WDPCP: variants seen among roughly 807,000 people sequenced by gnomAD.
WDPCP encodes WD repeat-containing and planar cell polarity effector protein fritz homolog.
A neutral mutation model predicts 93.1 loss-of-function variants in WDPCP; 71 were observed. The ratio of observed to expected loss-of-function variants is 0.76; its 90% CI spans 0.63 to 0.93. The LOEUF is 0.93. WDPCP is among the 40% of genes least tolerant of loss of function. The pLI, the probability that WDPCP is intolerant of heterozygous loss-of-function variation, is 0.00. For synonymous variants in WDPCP, 315 were observed against 315.0 expected (o/e 1.00, Z 0.00); for missense variants, 844 against 887.4 (o/e 0.95, Z 0.62).
intron 1 of WDPCP, among the ~76,000 whole-genome samples, chr2:63,824,975 T>C (rs952595052): frequency 9.9e-5 from 15 of 152,152 alleles, no homozygotes; most frequent in Admixed American, 9.2e-4. Context: ...TGAAAGCAAA[T>C]TGGGCAAATA....
At chr2:63,790,157 T>C (rs1425061206) in intron 2 of WDPCP, among the ~76,000 whole-genome samples, 1 of 152,162 alleles carries the variant, frequency 6.6e-6, no homozygotes, top group Non-Finnish European at 1.5e-5. Context: ...CACCTAGATC[T>C]AGAGCCACCC....
intron 13 of WDPCP, among the ~76,000 whole-genome samples, 190 bp from the exon 14 acceptor site, chr2:63,259,599 A>T (rs1391250424): frequency 6.6e-6 from 1 of 152,222 alleles, no homozygotes; most frequent in Non-Finnish European, 1.5e-5. Flanking sequence ...CACAGCTATA[A>T]CTAAAGGCAA....
rs1285243209 is a variant in WDPCP at position 63,153,520 on chromosome 2, C to T, written c.2133G>A (p.Leu711=). Residue 711 remains leucine (L), a synonymous_variant, in exon 16 of 18, where the codon TTG becomes TTA. Coordinates refer to ENST00000272321, the MANE Select transcript of WDPCP (RefSeq NM_015910.7). ...ELEKDICSGF[L]MTNTCNAEDG... ...CTTCTGCATTACAGGTATTAGTCATCAAAAATCCAGAACAGATGTCTTTTT... is the reference window on the plus strand; with the variant it reads ...CTTCTGCATTACAGGTATTAGTCATTAAAAATCCAGAACAGATGTCTTTTT... 6.2e-7 allele frequency: 1 copy of T among 1,612,612 alleles called. No individual in the cohort carries two copies. The highest frequency in any genetic ancestry group is 8.5e-7 in the Non-Finnish European group (1 of 1,179,162).
chr2:63,308,730 C>G (rs954967151), intron 13 of WDPCP, among the ~76,000 whole-genome samples: 2 of 152,082 alleles, frequency 1.3e-5, no homozygotes, highest in Non-Finnish European at 2.9e-5. Context: ...ACATCACACA[C>G]TGAGGCCTGT....
intron 3 of WDPCP, among the ~76,000 whole-genome samples, chr2:63,645,693 G>C (rs1710039660): frequency 6.6e-6 from 1 of 151,826 alleles, no homozygotes. Flanking sequence ...TCCAGTGTTG[G>C]GCACATATAT....
chr2:63,733,533 T>C (rs766571905), intron 2 of WDPCP, among the ~76,000 whole-genome samples: 36 of 152,134 alleles, frequency 2.4e-4, no homozygotes, highest in Non-Finnish European at 3.7e-4. Flanking sequence ...CACTGGAGCA[T>C]AGCAGTGATG....
chr2:63,758,345 C>T (rs1454202170), intron 2 of WDPCP, among the ~76,000 whole-genome samples: 1 of 151,740 alleles, frequency 6.6e-6, no homozygotes, highest in African/African-American at 2.4e-5. Context: ...TTATGAGGGC[C>T]TCAATGAAAG....
At chr2:63,563,444 C>A (rs550303938) in intron 1 of WDPCP, among the ~76,000 whole-genome samples, 1 of 151,860 alleles carries the variant, frequency 6.6e-6, no homozygotes, top group Admixed American at 6.6e-5. Flanking sequence ...AAGAAAAAGC[C>A]AATAGACACA....
chr2:63,648,717 ACTG>A (rs1710079290), intron 3 of WDPCP, among the ~76,000 whole-genome samples: 1 of 152,146 alleles, frequency 6.6e-6, no homozygotes, highest in Non-Finnish European at 1.5e-5. Flanking sequence ...ATCTCTTTTT[ACTG>A]CTGAATTTTG....
intron 14 of WDPCP, chr2:63,228,381 C>CTTTT (rs1327818388): frequency 8.8e-6 from 1 of 113,782 alleles, no homozygotes; most frequent in South Asian, 2.8e-4. Context: ...TGTTCTTTTT[C>CTTTT]TTTTTCTTTT....
chr2:63,522,031 AT>A (rs929181546), intron 1 of WDPCP, among the ~76,000 whole-genome samples: 1 of 151,798 alleles, frequency 6.6e-6, no homozygotes, highest in Admixed American at 6.6e-5. Context: ...AGCCAAAGCA[AT>A]TTTTTTTGGT....
chr2:63,201,440 C>T (rs1046923605), intron 14 of WDPCP, among the ~76,000 whole-genome samples: 12 of 152,166 alleles, frequency 7.9e-5, no homozygotes, highest in African/African-American at 2.7e-4. Context: ...TAAAAACGTG[C>T]TTTGGATTCC....
At chr2:63,628,647 C>T (rs1709834589) in intron 3 of WDPCP, among the ~76,000 whole-genome samples, 1 of 152,174 alleles carries the variant, frequency 6.6e-6, no homozygotes, top group Non-Finnish European at 1.5e-5. Flanking sequence ...TAGGAGGCCT[C>T]AGTTTTTCCA....
At chr2:63,721,869 G>T (rs1669420327) in intron 2 of WDPCP, among the ~76,000 whole-genome samples, 1 of 152,212 alleles carries the variant, frequency 6.6e-6, no homozygotes, top group Non-Finnish European at 1.5e-5. Context: ...CCTGCCGAGT[G>T]CCTGCGATTG....
intron 2 of WDPCP, among the ~76,000 whole-genome samples, chr2:63,776,471 G>A (rs1385447007): frequency 6.6e-6 from 1 of 151,662 alleles, no homozygotes; most frequent in East Asian, 1.9e-4. Flanking sequence ...CCTGGGCAAC[G>A]TGGTAAAACC....
intron 2 of WDPCP, among the ~76,000 whole-genome samples, chr2:63,718,229 T>C (rs1033688592): frequency 2.0e-5 from 3 of 152,086 alleles, no homozygotes; most frequent in Non-Finnish European, 2.9e-5. Context: ...AGGGTGCAAA[T>C]ATCTTTTTTA....
intron 1 of WDPCP, chr2:63,571,344 G>C (rs1707486032): frequency 2.2e-6 from 1 of 448,418 alleles, no homozygotes; most frequent in African/African-American, 2.0e-5. Flanking sequence ...TTTTAATTGA[G>C]AGAAATAAAT....
At chr2:63,677,162 T>G (rs1056186820) in intron 2 of WDPCP, among the ~76,000 whole-genome samples, 4 of 152,210 alleles carry the variant, frequency 2.6e-5, no homozygotes, top group East Asian at 1.9e-4. Flanking sequence ...AACCACTGAC[T>G]TACAGGGAAT....
intron 13 of WDPCP, among the ~76,000 whole-genome samples, chr2:63,262,450 T>G (rs1297616330): frequency 6.6e-6 from 1 of 150,494 alleles, no homozygotes; most frequent in Non-Finnish European, 1.5e-5. Context: ...ATCTTAAAAT[T>G]AATAGGTCAA....
Sources: gnomAD v4.1 joint callset for allele counts (sites outside exome capture counted in the v4.1 genomes callset) on GRCh38, gnomAD v4.1.1 for gene constraint, MANE v1.5 for transcripts, NCBI Gene and HGNC (gene_info 2026-07-23, HGNC 2026-07-21) for gene names.